NAP1L1: variants seen among roughly 807,000 people sequenced by gnomAD.
NAP1L1 encodes nucleosome assembly protein 1-like 1.
A neutral mutation model predicts 58.9 loss-of-function variants in NAP1L1; 9 were observed. That is an observed-to-expected ratio of 0.15 (90% CI 0.09 to 0.27). NAP1L1 has a LOEUF of 0.27. Ranked by LOEUF, NAP1L1 falls within the 10% of genes least tolerant of loss-of-function variation. The pLI is 1.00. For synonymous variants in NAP1L1, 130 were observed against 138.3 expected, an observed-to-expected ratio of 0.94 and a Z score of 0.42; for missense variants, 302 against 458.8, an observed-to-expected ratio of 0.66 and a Z score of 3.12.
chr12:76,079,082 A>C (rs1320488083), intron 1 of NAP1L1, among the ~76,000 whole-genome samples: 2 of 152,216 alleles, frequency 1.3e-5, no homozygotes, highest in Non-Finnish European at 2.9e-5. Context: ...TCTCAAAAGC[A>C]CACACAAAAA....
chr12:76,066,621 A>T (rs763331573), intron 4 of NAP1L1, among the ~76,000 whole-genome samples: 71 of 152,296 alleles, frequency 4.7e-4, no homozygotes, highest in Non-Finnish European at 9.7e-4. Flanking sequence ...TCTTAGACTG[A>T]TTTAAAAATA....
At chr12:76,057,473 G>A (rs2136996868) in intron 6 of NAP1L1, 1 of 646,484 alleles carries the variant, frequency 1.5e-6, no homozygotes, top group Non-Finnish European at 2.8e-6. Flanking sequence ...GCATTTGTCG[G>A]CTCAGCTGGC....
At chr12:76,051,980 C>T (rs1025778887) in intron 11 of NAP1L1, among the ~76,000 whole-genome samples, 1 of 151,792 alleles carries the variant, frequency 6.6e-6, no homozygotes, top group Non-Finnish European at 1.5e-5. Context: ...CACCACTGCA[C>T]TCCAGCCTGG....
chr12:76,077,309 T>C (rs778341625), intron 1 of NAP1L1, among the ~76,000 whole-genome samples: 14 of 152,176 alleles, frequency 9.2e-5, no homozygotes, highest in Non-Finnish European at 1.6e-4. Flanking sequence ...TATTTCTTGG[T>C]TGTAAGATAG....
rs892322232 is a variant in NAP1L1, at chr12:76,045,694, T to A, written c.*2735A>T. ...CTAATTTAAGAATCCTAAGAAATTA[T>A]ATATGTGGCTTTCAGACATCCATGT... On this transcript the variant is annotated 3_prime_UTR_variant, in exon 15 of 15. Coordinates refer to ENST00000618691, the MANE Select transcript of NAP1L1 (RefSeq NM_004537.7). 6.6e-6 allele frequency: 1 copy of A among 152,088 alleles called. No homozygotes were observed. The highest frequency in any genetic ancestry group is 1.5e-5 in the Non-Finnish European group (1 of 67,916). The allele number at this position is 152,088 out of a possible 1,614,324, so 9.4% of individuals were successfully genotyped here.
chr12:76,049,381 A>G (rs1948718166), intron 13 of NAP1L1, 131 bp from the exon 14 acceptor site: 1 of 1,550,884 alleles, frequency 6.4e-7, no homozygotes. Flanking sequence ...TTTGATGATA[A>G]TACAATTTAA....
intron 1 of NAP1L1, among the ~76,000 whole-genome samples, chr12:76,081,488 C>T (rs1592713168): frequency 6.6e-6 from 1 of 152,160 alleles, no homozygotes; most frequent in African/African-American, 2.4e-5. Flanking sequence ...ATACACTCAG[C>T]ACTTTGGGAG....
At chr12:76,057,448 C>G (rs1471790332) in intron 6 of NAP1L1, 2 of 597,890 alleles carry the variant, frequency 3.3e-6, no homozygotes, top group Non-Finnish European at 6.1e-6. Context: ...GAGGCCCTGG[C>G]CGGGGAAACG....
chr12:76,043,577 A>G lies in NAP1L1; in HGVS notation c.*4852T>C, dbSNP rs1168438861. 2.0e-5 allele frequency: 3 copies of G among 152,132 alleles called. No individual in the cohort carries two copies. Among genetic ancestry groups the G allele is most frequent in the Non-Finnish European group, 4.4e-5 (3 of 68,038 alleles). 9.4% of individuals were successfully genotyped at this position (152,132 alleles called of 1,614,324 possible). On this transcript the variant is annotated 3_prime_UTR_variant, in exon 15 of 15. Coordinates refer to ENST00000618691, the MANE Select transcript of NAP1L1 (RefSeq NM_004537.7). Reference sequence around the variant, plus strand: ...TGGTTCCAGTGTTTTAAACCCATTAAGAGGACTTCCACAGCTAAACTTTCT... The same window carrying G: ...TGGTTCCAGTGTTTTAAACCCATTAGGAGGACTTCCACAGCTAAACTTTCT...
chr12:76,073,784 A>T (rs1330071431), intron 2 of NAP1L1: 1 of 155,480 alleles, frequency 6.4e-6, no homozygotes, highest in Non-Finnish European at 1.4e-5. Context: ...AAGGCTTCTG[A>T]TAGTAATGTT....
chr12:76,055,775 G>A (rs1349413196), intron 7 of NAP1L1, among the ~76,000 whole-genome samples: 1 of 152,042 alleles, frequency 6.6e-6, no homozygotes, highest in African/African-American at 2.4e-5. Flanking sequence ...AAGACAAAAG[G>A]CACAGGGTTA....
intron 1 of NAP1L1, among the ~76,000 whole-genome samples, chr12:76,076,172 G>A (rs1950161916): frequency 6.6e-6 from 1 of 152,072 alleles, no homozygotes; most frequent in Non-Finnish European, 1.5e-5. Context: ...TCATTTCAAA[G>A]TTTCACTCCC....
At chr12:76,059,991 ACTG>A (rs1949329521) in intron 5 of NAP1L1, 113 bp from the exon 6 acceptor site, 2 of 1,173,824 alleles carry the variant, frequency 1.7e-6, no homozygotes, top group Non-Finnish European at 2.4e-6. Flanking sequence ...CACAACTTTA[ACTG>A]CTATTATTGA....
rs1391594011 is a variant in NAP1L1, at chr12:76,040,223, A to G, written c.*8206T>C. 2 of 152,212 alleles carry G rather than the reference A, an allele frequency of 1.3e-5. No individual in the cohort carries two copies. The highest frequency in any genetic ancestry group is 1.3e-4 in the Admixed American group (2 of 15,288). The allele number at this position is 152,212 out of a possible 1,614,324, so 9.4% of individuals were successfully genotyped here. ...AAAACGACTGCAACAAACTAAGCCC[A>G]GTCAGAAAAATTTTGCTTGTTTTAA... On this transcript the variant is annotated 3_prime_UTR_variant, in exon 15 of 15. Transcript: ENST00000618691.
chr12:76,071,466 GT>G (rs947051801), intron 2 of NAP1L1, among the ~76,000 whole-genome samples: 1 of 152,058 alleles, frequency 6.6e-6, no homozygotes, highest in African/African-American at 2.4e-5. Context: ...ATGATAAAGG[GT>G]TTTTTTGTTT....
At chr12:76,050,734 C>A (rs546512272) in intron 11 of NAP1L1, 81 bp from the exon 12 acceptor site, 2 of 1,442,228 alleles carry the variant, frequency 1.4e-6, no homozygotes, top group Admixed American at 2.3e-5. Flanking sequence ...CTCTTAGAGG[C>A]TGGGTGTGAT....
chr12:76,057,784 G>A (rs560963689), intron 6 of NAP1L1: 16 of 1,551,314 alleles, frequency 1.0e-5, no homozygotes, highest in Non-Finnish European at 9.6e-6. Context: ...AATCTGTCAA[G>A]GTCAAGGAAC....
At chr12:76,057,410 G>T in intron 6 of NAP1L1, 1 of 483,672 alleles carries the variant, frequency 2.1e-6, no homozygotes, top group Non-Finnish European at 3.7e-6. Context: ...ATATTTCCTA[G>T]GTATAAAAAT....
chr12:76,076,574 ATATATATATATATATATATC>A (rs1428862353), intron 1 of NAP1L1, among the ~76,000 whole-genome samples: 2 of 48,564 alleles, frequency 4.1e-5, no homozygotes, highest in East Asian at 3.0e-3. Flanking sequence ...ATATATATAT[ATATATATATATATATATATC>A]TCCACTCATA....
Sources: gnomAD v4.1 joint callset for allele counts (sites outside exome capture counted in the v4.1 genomes callset) on GRCh38, gnomAD v4.1.1 for gene constraint, MANE v1.5 for transcripts, NCBI Gene and HGNC (gene_info 2026-07-23, HGNC 2026-07-21) for gene names.